The following CNBD1 variants were observed in gnomAD, a reference collection of about 807,000 sequenced individuals.
CNBD1 encodes the protein cyclic nucleotide-binding domain-containing protein 1.
CNBD1 carries 71 observed loss-of-function variants against 54.4 expected under a neutral mutation model. The observed-to-expected ratio is 1.30, with a 90% CI of 1.08 to 1.59. The LOEUF is 1.59. CNBD1 is among the 40% of genes most tolerant of loss of function. The probability of loss-of-function intolerance (pLI) is 0.00; values close to 1 mark genes in which losing one functional copy is unlikely to be tolerated. For synonymous variants in CNBD1, 182 were observed against 170.7 expected (o/e 1.07, Z -0.51); for missense variants, 659 against 518.0 (o/e 1.27, Z -2.64).
intron 4 of CNBD1, among the ~76,000 whole-genome samples, chr8:87,029,379 C>T (rs1411046820): frequency 1.3e-5 from 2 of 152,110 alleles, no homozygotes; most frequent in Non-Finnish European, 2.9e-5. Context: ...TTTTCAAAGG[C>T]TTACTAATTT....
At chr8:87,382,214 T>C (rs1811091662) in intron 10 of CNBD1, among the ~76,000 whole-genome samples, 1 of 151,924 alleles carries the variant, frequency 6.6e-6, no homozygotes, top group South Asian at 2.1e-4. Flanking sequence ...GCATTTCCTA[T>C]GGAATTCTAG....
intron 3 of CNBD1, among the ~76,000 whole-genome samples, chr8:86,936,742 CAA>C (rs35376017): frequency 0.097 from 9,771 of 100,692 alleles, 573 homozygotes; most frequent in African/African-American, 0.21. Context: ...GACTCCATCT[CAA>C]AAAAAAAAAA....
chr8:86,994,479 G>A (rs531971928), intron 4 of CNBD1, among the ~76,000 whole-genome samples: 17 of 152,340 alleles, frequency 1.1e-4, no homozygotes, highest in Non-Finnish European at 1.9e-4. Context: ...GGGATAGGGT[G>A]CCTATGGGCA....
At chr8:86,908,751 A>G (rs983604009) in intron 3 of CNBD1, among the ~76,000 whole-genome samples, 3 of 151,498 alleles carry the variant, frequency 2.0e-5, no homozygotes, top group Admixed American at 2.0e-4. Context: ...GCCAGATGAA[A>G]TTAACAATGT....
intron 4 of CNBD1, among the ~76,000 whole-genome samples, chr8:87,113,689 G>A (rs1403838538): frequency 6.6e-6 from 1 of 152,156 alleles, no homozygotes; most frequent in Admixed American, 6.5e-5. Context: ...GGAGGCCCAG[G>A]CGGGCGGATC....
chr8:87,419,254 G>T lies in CNBD1; in HGVS notation c.214-9292G>T, dbSNP rs374181511. ...AGAATAGGCAAACATGTCTAGAATA[G>T]GCAAATCAGAGACACAGAAAGATTA... On this transcript the variant is annotated intron_variant, in intron 2 of 7. Coordinates refer to the CNBD1 transcript ENST00000521593. Among the ~76,000 whole-genome samples the T allele has an allele frequency of 3.9e-5, 6 of 151,966 alleles. No homozygotes were observed. In the East Asian group the frequency reaches 9.7e-4, roughly 25 times the overall value.
intron 10 of CNBD1, among the ~76,000 whole-genome samples, chr8:87,372,500 T>C (rs1810833518): frequency 6.6e-6 from 1 of 151,942 alleles, no homozygotes; most frequent in Non-Finnish European, 1.5e-5. Context: ...TCAGAAACTC[T>C]GGGTTGATTT....
At chr8:87,239,935 G>C (rs1023348207) in intron 6 of CNBD1, among the ~76,000 whole-genome samples, 3 of 151,918 alleles carry the variant, frequency 2.0e-5, no homozygotes, top group African/African-American at 4.8e-5. Flanking sequence ...CCAACTTAAT[G>C]CTTCTAAGTA....
At chr8:87,129,911 C>G (rs1395562123) in intron 4 of CNBD1, among the ~76,000 whole-genome samples, 1 of 152,188 alleles carries the variant, frequency 6.6e-6, no homozygotes, top group Non-Finnish European at 1.5e-5. Flanking sequence ...CCTACAGATT[C>G]ACGTGGCTGG....
At chr8:87,257,659 G>A (rs1475049768) in intron 6 of CNBD1, among the ~76,000 whole-genome samples, 1 of 152,070 alleles carries the variant, frequency 6.6e-6, no homozygotes, top group Non-Finnish European at 1.5e-5. Flanking sequence ...GTGAGTCCAT[G>A]CTTAACATTG....
chr8:87,187,897 T>G (rs1250318504), intron 4 of CNBD1, among the ~76,000 whole-genome samples: 1 of 152,214 alleles, frequency 6.6e-6, no homozygotes, highest in Non-Finnish European at 1.5e-5. Context: ...TTCCTCTTAA[T>G]AAAATCCTTG....
intron 2 of CNBD1, among the ~76,000 whole-genome samples, chr8:87,406,775 G>A (rs1807660724): frequency 6.6e-6 from 1 of 152,002 alleles, no homozygotes; most frequent in African/African-American, 2.4e-5. Context: ...ACCGTGCCCG[G>A]CCCTCAGTTT....
chr8:86,992,214 A>T (rs117972263), intron 4 of CNBD1, among the ~76,000 whole-genome samples: 24 of 151,948 alleles, frequency 1.6e-4, no homozygotes, highest in Non-Finnish European at 3.1e-4. Flanking sequence ...ATATATGTTT[A>T]GTATAGTTAA....
intron 5 of CNBD1, among the ~76,000 whole-genome samples, chr8:87,206,528 G>C (rs141707970): frequency 0.01 from 1,582 of 152,166 alleles, 23 homozygotes; most frequent in African/African-American, 0.033. Flanking sequence ...CAATATCTGA[G>C]ATACACATTT....
At chr8:87,399,522 G>A (rs1778851871) in intron 2 of CNBD1, among the ~76,000 whole-genome samples, 1 of 152,006 alleles carries the variant, frequency 6.6e-6, no homozygotes, top group Non-Finnish European at 1.5e-5. Context: ...ATCTGGGCCA[G>A]CACTTACAGT....
chr8:87,121,886 GTA>G (rs1225820291), intron 4 of CNBD1, among the ~76,000 whole-genome samples: 23 of 150,764 alleles, frequency 1.5e-4, no homozygotes, highest in Non-Finnish European at 5.9e-5. Context: ...TTGTGTGTGT[GTA>G]TATATATATA....
At chr8:86,876,794 A>G (rs956083118) in intron 1 of CNBD1, among the ~76,000 whole-genome samples, 5 of 151,950 alleles carry the variant, frequency 3.3e-5, no homozygotes, top group African/African-American at 1.2e-4. Flanking sequence ...TAAGAATAAA[A>G]TTTGGTACAT....
In CNBD1 at chr8:87,417,174, A is replaced by T. The variant is rs543675785; in HGVS notation, c.214-11372A>T. On this transcript the variant is annotated intron_variant, in intron 2 of 7. Coordinates refer to the CNBD1 transcript ENST00000521593. ...CATGGCTGGGGAGGCCTCATAATCAAGGTGGAAGGTGAAGGAAAAGCAAAG... is the reference window on the plus strand; with the variant it reads ...CATGGCTGGGGAGGCCTCATAATCATGGTGGAAGGTGAAGGAAAAGCAAAG... 7.0e-4 allele frequency among the ~76,000 whole-genome samples: 106 copies of T among 152,066 alleles called. 1 individual carries two copies. The highest frequency in any genetic ancestry group is 2.5e-3 in the African/African-American group (104 of 41,524).
intron 6 of CNBD1, among the ~76,000 whole-genome samples, chr8:87,284,095 C>T (rs1808647979): frequency 6.6e-6 from 1 of 152,116 alleles, no homozygotes; most frequent in East Asian, 1.9e-4. Flanking sequence ...TTATCCTTCA[C>T]ATGCCCTCCA....
Sources: gnomAD v4.1 joint callset for allele counts (sites outside exome capture counted in the v4.1 genomes callset) on GRCh38, gnomAD v4.1.1 for gene constraint, MANE v1.5 for transcripts, NCBI Gene and HGNC (gene_info 2026-07-23, HGNC 2026-07-21) for gene names.